KLHL32: variants seen among roughly 807,000 people sequenced by gnomAD.
KLHL32 encodes the protein kelch-like protein 32.
In KLHL32, 35 loss-of-function variants were observed where a neutral mutation model predicts 64.8. That is an observed-to-expected ratio of 0.54 (90% CI 0.41 to 0.72). The LOEUF (loss-of-function observed/expected upper bound fraction) is 0.72, where lower values mean the gene tolerates loss of function less well. Ranked by LOEUF, KLHL32 falls within the 30% of genes least tolerant of loss-of-function variation. The probability of loss-of-function intolerance (pLI) is 0.00; values close to 1 mark genes in which losing one functional copy is unlikely to be tolerated. For synonymous variants in KLHL32, 259 were observed against 281.0 expected (o/e 0.92, Z 0.78); for missense variants, 589 against 768.5 (o/e 0.77, Z 2.76).
At chr6:96,932,752 T>G in intron 1 of KLHL32, among the ~76,000 whole-genome samples, 1 of 151,970 alleles carries the variant, frequency 6.6e-6, no homozygotes. Flanking sequence ...AATTTTTTTG[T>G]AGAGATGGGT....
intron 4 of KLHL32, among the ~76,000 whole-genome samples, chr6:97,056,106 CT>C (rs1171932769): frequency 0.02 from 1,681 of 84,980 alleles, 16 homozygotes; most frequent in African/African-American, 0.085. Context: ...CTTTTTTTTT[CT>C]TTTTTTTTTT....
chr6:96,994,623 C>T (rs1339224558), intron 3 of KLHL32: 2 of 985,204 alleles, frequency 2.0e-6, no homozygotes, highest in African/African-American at 3.5e-5. Flanking sequence ...GAGTTAATAT[C>T]AGCTTTTCTT....
chr6:97,005,769 T>G (rs1000058964), intron 3 of KLHL32, among the ~76,000 whole-genome samples: 1 of 152,248 alleles, frequency 6.6e-6, no homozygotes, highest in Admixed American at 6.5e-5. Context: ...TTGTTTAATT[T>G]CCATATAATT....
At chr6:97,025,623 T>G (rs1782612940) in intron 3 of KLHL32, among the ~76,000 whole-genome samples, 1 of 152,186 alleles carries the variant, frequency 6.6e-6, no homozygotes, top group Admixed American at 6.5e-5. Context: ...TGTCTTTCTT[T>G]GAATTGAAGG....
chr6:96,999,774 A>G (rs947197885), intron 3 of KLHL32, among the ~76,000 whole-genome samples: 2 of 152,134 alleles, frequency 1.3e-5, no homozygotes, highest in Admixed American at 6.5e-5. Flanking sequence ...GTGCTTCTTT[A>G]TTATGGTTCT....
At chr6:97,121,567 A>AT (rs1798372057) in intron 7 of KLHL32, among the ~76,000 whole-genome samples, 1 of 150,118 alleles carries the variant, frequency 6.7e-6, no homozygotes, top group South Asian at 2.1e-4. Flanking sequence ...TAGATTAGAA[A>AT]TTTTTTTCTG....
At chr6:97,004,860 G>T (rs1167626555) in intron 3 of KLHL32, among the ~76,000 whole-genome samples, 1 of 152,028 alleles carries the variant, frequency 6.6e-6, no homozygotes, top group Non-Finnish European at 1.5e-5. Context: ...TTGATGTGCT[G>T]CTGGGTCTGG....
intron 7 of KLHL32, 82 bp downstream of exon 7, chr6:97,114,591 C>T: frequency 6.6e-7 from 1 of 1,515,858 alleles, no homozygotes; most frequent in Non-Finnish European, 9.0e-7. Context: ...AATACTGTGG[C>T]CATGTGTAAT....
chr6:96,948,781 A>G (rs1480565010), intron 1 of KLHL32, among the ~76,000 whole-genome samples: 3 of 151,978 alleles, frequency 2.0e-5, no homozygotes, highest in African/African-American at 7.2e-5. Flanking sequence ...CACCTCCCCA[A>G]TGCAATTCTC....
intron 3 of KLHL32, among the ~76,000 whole-genome samples, chr6:96,988,168 C>G (rs926961137): frequency 6.6e-6 from 1 of 152,164 alleles, no homozygotes; most frequent in South Asian, 2.1e-4. Context: ...GAACAGGCAA[C>G]CTACAGAATG....
chr6:96,930,155 G>C (rs1027692885), intron 1 of KLHL32, among the ~76,000 whole-genome samples: 1 of 152,148 alleles, frequency 6.6e-6, no homozygotes, highest in Non-Finnish European at 1.5e-5. Flanking sequence ...GCTTCAGTGA[G>C]AACATATTTG....
intron 3 of KLHL32, among the ~76,000 whole-genome samples, chr6:97,004,950 G>A (rs563193100): frequency 6.7e-6 from 1 of 149,142 alleles, no homozygotes; most frequent in Non-Finnish European, 1.5e-5. Flanking sequence ...TTTTTTTTTT[G>A]TTATGGGTCT....
chr6:97,052,835 T>G (rs1339662459), intron 4 of KLHL32, among the ~76,000 whole-genome samples: 1 of 152,212 alleles, frequency 6.6e-6, no homozygotes, highest in Non-Finnish European at 1.5e-5. Context: ...TAACCTTCAC[T>G]TTTTATGCAA....
At chr6:97,015,089 C>T (rs1366048833) in intron 3 of KLHL32, among the ~76,000 whole-genome samples, 4 of 152,126 alleles carry the variant, frequency 2.6e-5, no homozygotes, top group African/African-American at 4.8e-5. Flanking sequence ...GAAGAAGGTC[C>T]TTGCTTGCCC....
chr6:97,012,867 G>A (rs1203760678), intron 3 of KLHL32, among the ~76,000 whole-genome samples: 10 of 152,144 alleles, frequency 6.6e-5, no homozygotes, highest in African/African-American at 1.9e-4. Context: ...CATGTTTGAT[G>A]TAGAAAACTT....
At chr6:97,081,090 G>T (rs1196753529) in intron 5 of KLHL32, among the ~76,000 whole-genome samples, 6 of 152,162 alleles carry the variant, frequency 3.9e-5, no homozygotes, top group Non-Finnish European at 7.3e-5. Context: ...ATTTGTTTCT[G>T]CTCCAATAAG....
chr6:97,104,095 T>C (rs1478190651), intron 6 of KLHL32, among the ~76,000 whole-genome samples: 3 of 152,254 alleles, frequency 2.0e-5, no homozygotes, highest in East Asian at 1.9e-4. Context: ...AGAGAAGATA[T>C]CACAGGTTAT....
intron 5 of KLHL32, among the ~76,000 whole-genome samples, chr6:97,081,242 C>G (rs570115739): frequency 6.6e-6 from 1 of 152,150 alleles, no homozygotes; most frequent in South Asian, 2.1e-4. Flanking sequence ...GGTTAGCAGG[C>G]TTATGATTGG....
At chr6:97,089,671 G>A (rs1238795266) in intron 6 of KLHL32, among the ~76,000 whole-genome samples, 2 of 151,830 alleles carry the variant, frequency 1.3e-5, no homozygotes, top group African/African-American at 4.8e-5. Flanking sequence ...CCCAGCTGAG[G>A]CCTGGAGGCT....
Sources: gnomAD v4.1 joint callset for allele counts (sites outside exome capture counted in the v4.1 genomes callset) on GRCh38, gnomAD v4.1.1 for gene constraint, MANE v1.5 for transcripts, NCBI Gene and HGNC (gene_info 2026-07-23, HGNC 2026-07-21) for gene names.